Variants in EBF1 observed in about 807,000 individuals in gnomAD.
EBF1 encodes the protein transcription factor COE1.
A neutral mutation model predicts 68.4 loss-of-function variants in EBF1; 10 were observed. The observed-to-expected ratio is 0.15, with a 90% CI of 0.09 to 0.25. The LOEUF (loss-of-function observed/expected upper bound fraction) is 0.25, where lower values mean the gene tolerates loss of function less well. EBF1 is among the 10% of genes least tolerant of loss of function. EBF1 has a pLI of 1.00. For synonymous variants in EBF1, 298 were observed against 299.8 expected, an observed-to-expected ratio of 0.99 and a Z score of 0.06; for missense variants, 509 against 794.4, an observed-to-expected ratio of 0.64 and a Z score of 4.32.
intron 6 of EBF1, among the ~76,000 whole-genome samples, chr5:158,854,611 AC>A (rs1484180785): frequency 6.6e-6 from 1 of 152,218 alleles, no homozygotes; most frequent in East Asian, 1.9e-4. Context: ...AGAAGCAGTA[AC>A]TTTTAGTAGC....
chr5:159,024,747 A>G (rs1334070983), intron 6 of EBF1, among the ~76,000 whole-genome samples: 1 of 152,202 alleles, frequency 6.6e-6, no homozygotes, highest in Non-Finnish European at 1.5e-5. Flanking sequence ...GATTCTTTGT[A>G]CTCATGCTTT....
chr5:158,964,413 G>A (rs1451335174), intron 6 of EBF1, among the ~76,000 whole-genome samples: 1 of 152,016 alleles, frequency 6.6e-6, no homozygotes, highest in Non-Finnish European at 1.5e-5. Flanking sequence ...ACCGAGTAGG[G>A]TTAAGACTGG....
chr5:158,862,720 A>G (rs138134664), intron 6 of EBF1, among the ~76,000 whole-genome samples: 7 of 152,298 alleles, frequency 4.6e-5, no homozygotes, highest in Non-Finnish European at 8.8e-5. Flanking sequence ...GTCTGAATGA[A>G]GTTATATCCT....
At chr5:158,741,411 C>T (rs1244844073) in intron 10 of EBF1, among the ~76,000 whole-genome samples, 5 of 151,856 alleles carry the variant, frequency 3.3e-5, no homozygotes, top group Admixed American at 1.3e-4. Flanking sequence ...CTCGTCTCTA[C>T]AAAAGATTAA....
chr5:158,816,359 G>A (rs1262119780), intron 8 of EBF1, among the ~76,000 whole-genome samples: 1 of 152,266 alleles, frequency 6.6e-6, no homozygotes, highest in Non-Finnish European at 1.5e-5. Context: ...CAGTGACCAG[G>A]AAACTATGCA....
At chr5:158,944,623 A>G (rs1324861097) in intron 6 of EBF1, among the ~76,000 whole-genome samples, 2 of 152,214 alleles carry the variant, frequency 1.3e-5, no homozygotes, top group Non-Finnish European at 2.9e-5. Flanking sequence ...TTCTGGTTCT[A>G]GATCCTTGAG....
At chr5:158,851,479 G>C (rs1405625541) in intron 6 of EBF1, among the ~76,000 whole-genome samples, 2 of 98,782 alleles carry the variant, frequency 2.0e-5, no homozygotes, top group Admixed American at 1.0e-4. Flanking sequence ...AAGGAGAGAA[G>C]GGAAGGGGAG....
rs1215137555 is a variant in EBF1 at position 159,050,188 on chromosome 5, T to TC, written c.554+23207_554+23208insG. Among the ~76,000 whole-genome samples, 403 of 146,204 alleles carry TC rather than the reference T, an allele frequency of 2.8e-3. 1 individual carries two copies. The highest frequency in any genetic ancestry group is 7.3e-3 in the African/African-American group (283 of 38,684). ...TCTCTCTCTCTCTCTCTCTTCTCTC[T>TC]TTTCTCTCTCTCTCCTCTCCTCCCT... On this transcript the variant is annotated intron_variant, in intron 6 of 15. Transcript: ENST00000313708.
chr5:158,775,144 A>G (rs1303281312), intron 10 of EBF1, among the ~76,000 whole-genome samples: 1 of 151,946 alleles, frequency 6.6e-6, no homozygotes, highest in African/African-American at 2.4e-5. Flanking sequence ...TGAAAATCCA[A>G]CACTTTTTTC....
chr5:159,018,525 G>A (rs1766050409), intron 6 of EBF1, among the ~76,000 whole-genome samples: 1 of 152,150 alleles, frequency 6.6e-6, no homozygotes, highest in Admixed American at 6.5e-5. Context: ...ACTATTCTTA[G>A]CATTCTTTTC....
At chr5:158,925,549 C>T (rs146655200) in intron 6 of EBF1, among the ~76,000 whole-genome samples, 1 of 152,322 alleles carries the variant, frequency 6.6e-6, no homozygotes, top group African/African-American at 2.4e-5. Flanking sequence ...TTCTCTCCTT[C>T]CTCCTTCCAC....
At chr5:158,940,894 A>G (rs1382909327) in intron 6 of EBF1, among the ~76,000 whole-genome samples, 2 of 151,682 alleles carry the variant, frequency 1.3e-5, no homozygotes, top group East Asian at 3.9e-4. Context: ...CCTGTATATG[A>G]ATTGAAACCA....
intron 8 of EBF1, among the ~76,000 whole-genome samples, chr5:158,810,961 C>T (rs1006090763): frequency 7.9e-5 from 12 of 152,196 alleles, no homozygotes; most frequent in Admixed American, 5.9e-4. Context: ...GCAGAAAAGC[C>T]ACAATCCTGC....
intron 10 of EBF1, among the ~76,000 whole-genome samples, chr5:158,765,189 C>T (rs1446463076): frequency 6.6e-6 from 1 of 152,062 alleles, no homozygotes; most frequent in Non-Finnish European, 1.5e-5. Flanking sequence ...AGATAACCCT[C>T]CTATGTCTTC....
chr5:158,911,388 C>G (rs1264112718), intron 6 of EBF1, among the ~76,000 whole-genome samples: 1 of 152,134 alleles, frequency 6.6e-6, no homozygotes, highest in Non-Finnish European at 1.5e-5. Flanking sequence ...ACTAACCAGC[C>G]TGGCTGGTTA....
At chr5:159,013,464 C>T (rs917186105) in intron 6 of EBF1, among the ~76,000 whole-genome samples, 1 of 152,186 alleles carries the variant, frequency 6.6e-6, no homozygotes, top group African/African-American at 2.4e-5. Context: ...GAAATAGCAT[C>T]TGAAGGACGA....
chr5:159,078,654 T>C (rs1584468123), intron 5 of EBF1, among the ~76,000 whole-genome samples: 1 of 152,126 alleles, frequency 6.6e-6, no homozygotes, highest in East Asian at 1.9e-4. Flanking sequence ...CAGGCCACTG[T>C]TTACATCCCT....
At chr5:159,077,335 A>G (rs549940747) in intron 5 of EBF1, among the ~76,000 whole-genome samples, 4 of 152,294 alleles carry the variant, frequency 2.6e-5, no homozygotes, top group East Asian at 3.9e-4. Context: ...GCTACTCAGG[A>G]GGCTGAGGCA....
chr5:158,889,134 T>C (rs1800648150), intron 6 of EBF1, among the ~76,000 whole-genome samples: 1 of 152,144 alleles, frequency 6.6e-6, no homozygotes, highest in African/African-American at 2.4e-5. Context: ...AACTCCACCA[T>C]TTAGAAAGTG....
Sources: allele counts gnomAD v4.1 joint callset (sites outside exome capture counted in the v4.1 genomes callset), GRCh38; gene constraint gnomAD v4.1.1; transcripts MANE v1.5; gene names NCBI Gene and HGNC (gene_info 2026-07-23, HGNC 2026-07-21).